Variants in TMEM63C observed in about 807,000 individuals in gnomAD.
TMEM63C encodes the protein osmosensitive cation channel TMEM63C.
In TMEM63C, 32 loss-of-function variants were observed where a neutral mutation model predicts 99.2. The ratio of observed to expected loss-of-function variants is 0.32; its 90% CI spans 0.24 to 0.43. The LOEUF is 0.43. Among genes scored for constraint, TMEM63C ranks in the 20% least tolerant of loss-of-function variants. The probability of loss-of-function intolerance (pLI) is 1.00; values close to 1 mark genes in which losing one functional copy is unlikely to be tolerated. For synonymous variants in TMEM63C, 376 were observed against 397.9 expected, an observed-to-expected ratio of 0.94 and a Z score of 0.66; for missense variants, 826 against 1,053.0, an observed-to-expected ratio of 0.78 and a Z score of 2.98.
chr14:77,209,201 G>A (rs1400632783), intron 1 of TMEM63C, among the ~76,000 whole-genome samples: 1 of 152,134 alleles, frequency 6.6e-6, no homozygotes. Context: ...AAACTGAATA[G>A]CAAGAGGTTA....
chr14:77,253,306 C>T lies in TMEM63C; in HGVS notation c.2150C>T (p.Pro717Leu). 6.2e-7 allele frequency: 1 copy of T among 1,612,786 alleles called. No individual in the cohort carries two copies. ...ACCCACCACCTCTCCCTGCTGCAGC[C>T]CGAGGAGGAGGAGATCCAGACAGTG... ...GKLRMVADYE[P>L]EEEEIQTVFD... Residue 717 changes from proline (P) to leucine (L), a missense_variant and splice_region_variant, in exon 23 of 24, where the codon CCC (proline) becomes CTC (leucine). Coordinates refer to ENST00000298351, the MANE Select transcript of TMEM63C (RefSeq NM_020431.4).
Position 77,218,953 on chromosome 14 carries a change from C to T in TMEM63C, c.140C>T (p.Ala47Val), listed in dbSNP as rs1391937475. The T allele has an allele frequency of 1.3e-6, 2 of 1,591,632 alleles. No homozygotes were observed. Among genetic ancestry groups the T allele is most frequent in the East Asian group, 2.3e-5 (1 of 44,106 alleles). Residue 47 changes from alanine to valine, a missense_variant, in exon 3 of 24, where the codon GCC becomes GTC. By Grantham distance (64) the Ala-to-Val change is moderately conservative. Coordinates refer to ENST00000298351, the MANE Select transcript of TMEM63C (RefSeq NM_020431.4). ...GVPTVLCLNI[A>V]LWVLVLVVYS... is the part of the protein sequence containing the mutation. ...CCCACCGTGCTGTGCCTCAACATCGCCCTGTGGGTGGTGAGTCCTGGGCAC... is the reference window on the plus strand; with the variant it reads ...CCCACCGTGCTGTGCCTCAACATCGTCCTGTGGGTGGTGAGTCCTGGGCAC...
At chr14:77,204,488 G>A (rs1199345619) in intron 1 of TMEM63C, among the ~76,000 whole-genome samples, 1 of 152,138 alleles carries the variant, frequency 6.6e-6, no homozygotes, top group Non-Finnish European at 1.5e-5. Flanking sequence ...GGCCAAATGA[G>A]TCCTACCCCA....
intron 15 of TMEM63C, among the ~76,000 whole-genome samples, chr14:77,243,298 C>T (rs1224158808): frequency 6.6e-6 from 1 of 152,160 alleles, no homozygotes; most frequent in East Asian, 1.9e-4. Flanking sequence ...GGGGAGTCCA[C>T]AGGCAGGTCC....
chr14:77,233,211 G>A (rs2140119652), intron 7 of TMEM63C, among the ~76,000 whole-genome samples: 1 of 152,102 alleles, frequency 6.6e-6, no homozygotes, highest in East Asian at 1.9e-4. Flanking sequence ...TTATGCCCTG[G>A]AGATACCACA....
chr14:77,255,440 C>A (rs988753484), intron 23 of TMEM63C, among the ~76,000 whole-genome samples: 2 of 152,182 alleles, frequency 1.3e-5, no homozygotes, highest in Non-Finnish European at 2.9e-5. Context: ...GCACATGTGC[C>A]TCAGGTTTTC....
rs1224757384 is a variant in TMEM63C at position 77,258,872 on chromosome 14, G to A, written c.*2146G>A. 6.6e-6 allele frequency: 1 copy of A among 152,320 alleles called. No homozygotes were observed. The highest frequency in any genetic ancestry group is 2.4e-5 in the African/African-American group (1 of 41,450). 9.4% of individuals were successfully genotyped at this position (152,320 alleles called of 1,614,324 possible). ...GGCAGACAATGTGGCGGGATGACTGGGGGCTTCTCCCTCTGAACCTGGGTC... is the reference window on the plus strand; with the variant it reads ...GGCAGACAATGTGGCGGGATGACTGAGGGCTTCTCCCTCTGAACCTGGGTC... On this transcript the variant is annotated 3_prime_UTR_variant, in exon 24 of 24. Transcript: ENST00000298351.
At chr14:77,233,595 T>G in intron 8 of TMEM63C, 95 bp downstream of exon 8, 1 of 1,339,330 alleles carries the variant, frequency 7.5e-7, no homozygotes, top group Non-Finnish European at 1.1e-6. Flanking sequence ...GGCAGCGTTT[T>G]GCTGATAAGA....
chr14:77,188,483 C>A (rs1459463876), intron 1 of TMEM63C, among the ~76,000 whole-genome samples: 1 of 152,214 alleles, frequency 6.6e-6, no homozygotes. Flanking sequence ...CCAACGATTT[C>A]ACATCTAGGT....
intron 20 of TMEM63C, 41 bp downstream of exon 20, chr14:77,248,913 C>A: frequency 2.0e-6 from 3 of 1,522,664 alleles, no homozygotes; most frequent in Non-Finnish European, 2.7e-6. Flanking sequence ...TGCACATCCG[C>A]AGATGGGGAG....
chr14:77,212,262 A>G (rs1481740450), intron 1 of TMEM63C: 1 of 152,276 alleles, frequency 6.6e-6, no homozygotes, highest in Non-Finnish European at 1.5e-5. Flanking sequence ...AGATATGGGA[A>G]CTGAGGCTGA....
Position 77,232,793 on chromosome 14 carries a change from G to A in TMEM63C, c.494-659G>A, listed in dbSNP as rs951284568. On this transcript the variant is annotated intron_variant, in intron 7 of 23. Coordinates refer to ENST00000298351, the MANE Select transcript of TMEM63C (RefSeq NM_020431.4). ...TATGAAGACTGTACAACTGGGTGGT[G>A]CAGAATAGCACCGTAAATGCCCCAG... is the stretch of plus-strand genomic sequence containing the variant. 3.3e-5 allele frequency among the ~76,000 whole-genome samples: 5 copies of A among 152,324 alleles called. No individual in the cohort carries two copies. The East Asian group carries it at 7.7e-4, about 23-fold the overall frequency.
At chr14:77,239,383 C>T (rs4899646) in intron 10 of TMEM63C, 29 bp from the exon 11 acceptor site, 421,061 of 1,610,634 alleles carry the variant, frequency 0.26, 57,114 homozygotes, top group Admixed American at 0.32. Flanking sequence ...CCCCACAGGC[C>T]GACTCAGCAC....
Position 77,239,495 on chromosome 14 carries a change from G to A in TMEM63C, c.806+3G>A. Reference sequence around the variant, plus strand: ...CTGATCGACTTGGACGATCAGAGGTGAGGCTGCAGCGGGGCCTTTTGGGGC... The same window carrying A: ...CTGATCGACTTGGACGATCAGAGGTAAGGCTGCAGCGGGGCCTTTTGGGGC... On this transcript the variant is annotated splice_donor_region_variant and intron_variant, in intron 11 of 23. Coordinates refer to ENST00000298351, the MANE Select transcript of TMEM63C (RefSeq NM_020431.4). The A allele has an allele frequency of 1.9e-6, 3 of 1,613,514 alleles. No homozygotes were observed. The highest frequency in any genetic ancestry group is 2.5e-6 in the Non-Finnish European group (3 of 1,179,816).
rs1398098219 is a variant in TMEM63C at position 77,258,611 on chromosome 14, A to T, written c.*1885A>T. 2 of 152,356 alleles carry T rather than the reference A, an allele frequency of 1.3e-5. No homozygotes were observed. The highest frequency in any genetic ancestry group is 2.4e-5 in the African/African-American group (1 of 41,442). 9.4% of individuals were successfully genotyped at this position (152,356 alleles called of 1,614,324 possible). ...TGGAATTTCACCAACCAACAAGGGG[A>T]AAGTACGCTGTTACAGCATAGCGGT... On this transcript the variant is annotated 3_prime_UTR_variant, in exon 24 of 24. Transcript: ENST00000298351.
intron 1 of TMEM63C, among the ~76,000 whole-genome samples, chr14:77,191,249 A>G (rs937142758): frequency 6.6e-6 from 1 of 152,174 alleles, no homozygotes; most frequent in African/African-American, 2.4e-5. Flanking sequence ...ATATTTGTCA[A>G]ATGATGGAAC....
At chr14:77,186,850 A>G (rs2140086985) in intron 1 of TMEM63C, among the ~76,000 whole-genome samples, 1 of 87,186 alleles carries the variant, frequency 1.1e-5, no homozygotes, top group South Asian at 4.4e-4. Flanking sequence ...GTGGGCAGGG[A>G]GTGTCCTTTC....
intron 6 of TMEM63C, among the ~76,000 whole-genome samples, chr14:77,227,310 A>AG (rs1376832087): frequency 6.6e-6 from 1 of 151,992 alleles, no homozygotes; most frequent in Non-Finnish European, 1.5e-5. Context: ...AAACAATGGG[A>AG]GGGGAAGATG....
intron 1 of TMEM63C, among the ~76,000 whole-genome samples, chr14:77,213,158 C>T (rs895326912): frequency 6.6e-5 from 10 of 152,184 alleles, no homozygotes; most frequent in African/African-American, 2.4e-4. Context: ...GGTGCCTCTG[C>T]CCACGCTTGC....
Sources: allele counts gnomAD v4.1 joint callset (sites outside exome capture counted in the v4.1 genomes callset), GRCh38; gene constraint gnomAD v4.1.1; transcripts MANE v1.5; gene names NCBI Gene and HGNC (gene_info 2026-07-23, HGNC 2026-07-21).